TLR3: variants seen among roughly 807,000 people sequenced by gnomAD.
TLR3 encodes toll like receptor 3, also known as toll-like receptor 3.
TLR3 carries 43 observed loss-of-function variants against 66.4 expected under a neutral mutation model. The ratio of observed to expected loss-of-function variants is 0.65; its 90% CI spans 0.51 to 0.83. The LOEUF (loss-of-function observed/expected upper bound fraction) is 0.83. Ranked by LOEUF, TLR3 falls within the 40% of genes least tolerant of loss-of-function variation. The pLI, the probability that TLR3 is intolerant of heterozygous loss-of-function variation, is 0.00. For missense variants in TLR3, 982 were observed against 1,044.6 expected (o/e 0.94, Z 0.83); for synonymous variants, 397 against 397.2 (o/e 1.00, Z 0.01).
At chr4:186,084,510 AT>A (rs2099304062) in intron 4 of TLR3, 134 bp from the exon 5 acceptor site, 1 of 679,974 alleles carries the variant, frequency 1.5e-6, no homozygotes, top group Non-Finnish European at 2.4e-6. Context: ...AACTCAAAGA[AT>A]TTTTAAAATA....
In TLR3 at chr4:186,083,004, C is replaced by T. The variant is rs756002361; in HGVS notation, c.1318C>T (p.Leu440Phe). 2.5e-5 allele frequency: 41 copies of T among 1,613,990 alleles called. No homozygotes were observed. Among genetic ancestry groups the T allele is most frequent in the Non-Finnish European group, 2.3e-5 (27 of 1,180,034 alleles). ...LGHLEVLDLG[L>F]NEIGQELTGQ... Reference sequence around the variant, plus strand: ...CCACCTAGAAGTACTTGACCTGGGCCTTAATGAAATTGGGCAAGAACTCAC... The same window carrying T: ...CCACCTAGAAGTACTTGACCTGGGCTTTAATGAAATTGGGCAAGAACTCAC... Residue 440 changes from leucine to phenylalanine, a missense_variant, in exon 4 of 5, where the codon CTT (leucine) becomes TTT (phenylalanine). Leu to Phe is a conservative substitution (Grantham distance 22). Around this residue, in one of 3 missense-constraint regions of TLR3, gnomAD observed 666 missense variants for 709.0 expected, o/e 0.94. Coordinates refer to ENST00000296795, the MANE Select transcript of TLR3 (RefSeq NM_003265.3). The surrounding 1 kb of genome is among the most constrained non-coding windows in gnomAD (Gnocchi z 4.0).
chr4:186,069,429 G>A (rs2150064758), intron 1 of TLR3, among the ~76,000 whole-genome samples, 181 bp downstream of exon 1: 1 of 152,320 alleles, frequency 6.6e-6, no homozygotes, highest in East Asian at 1.9e-4. Flanking sequence ...ATGGGCATGG[G>A]AGAAGGGTAT....
chr4:186,085,574 C>T lies in TLR3; in HGVS notation c.*701C>T, dbSNP rs2099304227. The T allele has an allele frequency of 6.6e-6, 1 of 152,256 alleles. No individual in the cohort carries two copies. The allele number at this position is 152,256 out of a possible 1,614,324, so 9.4% of individuals were successfully genotyped here. A position where few individuals can be genotyped will look rare whatever the true frequency, so the allele number is the denominator to read the frequency against. The stretch of plus-strand genomic sequence containing the variant: ...AAAGTATTGTAGGCAGGCTTGCTTT[C>T]TGAAGGCTAATCACTATTTGGCTTT... On this transcript the variant is annotated 3_prime_UTR_variant, in exon 5 of 5. Coordinates refer to ENST00000296795, the MANE Select transcript of TLR3 (RefSeq NM_003265.3).
At position 186,082,356 on chromosome 4, in the gene TLR3, T is replaced by C; in HGVS notation, c.670T>C (p.Phe224Leu). ...PGCFHAIGRLFGLFLNNVQLG... is the reference protein window; with the variant it reads ...PGCFHAIGRLLGLFLNNVQLG... ...GTGTTTTCACGCAATTGGAAGATTA[T>C]TTGGCCTCTTTCTGAACAATGTCCA... Residue 224 changes from phenylalanine to leucine, a missense_variant, in exon 4 of 5, where the codon TTT becomes CTT. Physicochemically the swap from Phe to Leu is conservative, Grantham distance 22. Around this residue, in one of 3 missense-constraint regions of TLR3, gnomAD observed 313 missense variants for 319.0 expected, o/e 0.98. Coordinates refer to ENST00000296795, the MANE Select transcript of TLR3 (RefSeq NM_003265.3). The C allele has an allele frequency of 6.2e-7, 1 of 1,614,040 alleles. No homozygotes were observed. The highest frequency in any genetic ancestry group is 8.5e-7 in the Non-Finnish European group (1 of 1,180,012).
chr4:186,079,510 ACT>A (rs1183456050), intron 3 of TLR3, among the ~76,000 whole-genome samples: 4 of 152,032 alleles, frequency 2.6e-5, no homozygotes, highest in African/African-American at 7.2e-5. Context: ...CGTGATAATG[ACT>A]CTGCTTCATA....
rs1208751111 is a variant in TLR3, at chr4:186,082,953, G to A, written c.1267G>A (p.Glu423Lys). The A allele has an allele frequency of 1.2e-6, 2 of 1,614,134 alleles. No individual in the cohort carries two copies. Among genetic ancestry groups the A allele is most frequent in the South Asian group, 1.1e-5 (1 of 91,076 alleles). Residue 423 changes from glutamate (E) to lysine (K), a missense_variant, in exon 4 of 5, where the codon GAG becomes AAG. Around this residue, in one of 3 missense-constraint regions of TLR3, gnomAD observed 666 missense variants for 709.0 expected, o/e 0.94. Coordinates refer to ENST00000296795, the MANE Select transcript of TLR3 (RefSeq NM_003265.3). The part of the protein sequence containing the change: ...NLTKNKISKI[E>K]SDAFSWLGHL... Reference sequence around the variant, plus strand: ...AACCAAGAATAAAATCTCAAAAATAGAGAGTGATGCTTTCTCTTGGTTGGG... The same window carrying A: ...AACCAAGAATAAAATCTCAAAAATAAAGAGTGATGCTTTCTCTTGGTTGGG...
chr4:186,070,337 T>C (rs1470410770), intron 1 of TLR3, among the ~76,000 whole-genome samples: 1 of 152,218 alleles, frequency 6.6e-6, no homozygotes, highest in Non-Finnish European at 1.5e-5. Context: ...GTTATTCAGA[T>C]GGATGTGAAA....
intron 1 of TLR3, among the ~76,000 whole-genome samples, chr4:186,075,228 A>G (rs1394251229): frequency 2.0e-5 from 3 of 152,222 alleles, no homozygotes; most frequent in Non-Finnish European, 2.9e-5. Context: ...CATGTGAGGA[A>G]TGCATTGCAC....
Position 186,084,664 on chromosome 4 carries a change from G to A in TLR3, c.2506G>A (p.Val836Ile). 6.2e-7 allele frequency: 1 copy of A among 1,612,822 alleles called. No individual in the cohort carries two copies. The highest frequency in any genetic ancestry group is 1.3e-5 in the African/African-American group (1 of 74,978). Residue 836 changes from valine (V) to isoleucine (I), a missense_variant, in exon 5 of 5, where the codon GTT (valine) becomes ATT (isoleucine). Coordinates refer to ENST00000296795, the MANE Select transcript of TLR3 (RefSeq NM_003265.3). ...LCKRFKVHHAVQQAIEQNLDS... is the reference protein window; with the variant it reads ...LCKRFKVHHAIQQAIEQNLDS... ...ACTTAGATTCAAGGTACATCATGCA[G>A]TTCAACAAGCTATTGAACAAAATCT...
intron 1 of TLR3, among the ~76,000 whole-genome samples, chr4:186,072,218 C>T (rs1349891081): frequency 6.6e-6 from 1 of 152,236 alleles, no homozygotes; most frequent in African/African-American, 2.4e-5. Flanking sequence ...CTTTCACCCA[C>T]CACAGAAGGC....
At chr4:186,072,027 G>A (rs1251981150) in intron 1 of TLR3, among the ~76,000 whole-genome samples, 5 of 152,222 alleles carry the variant, frequency 3.3e-5, no homozygotes, top group Admixed American at 3.3e-4. Context: ...GTATGGAGTT[G>A]AGTGGCTTTC....
chr4:186,081,964 G>C, intron 3 of TLR3: 1 of 283,486 alleles, frequency 3.5e-6, no homozygotes, highest in Non-Finnish European at 6.6e-6. Context: ...CAGCGGCTCA[G>C]GCCTATAATC....
At position 186,083,418 on chromosome 4, in the gene TLR3, C is replaced by T. The variant is rs1280003005; in HGVS notation, c.1732C>T (p.Pro578Ser). 7 of 1,613,692 alleles carry T rather than the reference C, an allele frequency of 4.3e-6. No individual in the cohort carries two copies. Among genetic ancestry groups the T allele is most frequent in the African/African-American group, 2.7e-5 (2 of 74,854 alleles). The change falls in exon 4 of 5, where the codon CCA becomes TCA. Residue 578 changes from proline to serine, a missense_variant. Transcript: ENST00000296795. This position sits in a 1 kb window ranked among gnomAD's most constrained non-coding sequence, Gnocchi z 4.0. ...GGAGTCCAACGGCTTTGACGAGATC[C>T]CAGTTGAGGTCTTCAAGGATTTATT... Reference protein sequence around the residue: ...NLESNGFDEIPVEVFKDLFEL... With the variant: ...NLESNGFDEISVEVFKDLFEL...
At position 186,085,398 on chromosome 4, in the gene TLR3, A is replaced by C. The variant is rs1485304256; in HGVS notation, c.*525A>C. The C allele has an allele frequency of 6.5e-6, 1 of 153,494 alleles. No individual in the cohort carries two copies. Among genetic ancestry groups the C allele is most frequent in the Non-Finnish European group, 1.4e-5 (1 of 68,986 alleles). 9.5% of individuals were successfully genotyped at this position (153,494 alleles called of 1,614,324 possible). A position where few individuals can be genotyped will look rare whatever the true frequency, so the allele number is the denominator to read the frequency against. On this transcript the variant is annotated 3_prime_UTR_variant, in exon 5 of 5. Transcript: ENST00000296795. ...CTCAGTGTTGACTTTGTTAAATGTT[A>C]AATATTTTTTAATATACATACCCAA... is the stretch of plus-strand genomic sequence containing the variant.
Position 186,084,869 on chromosome 4 carries a change from A to G in TLR3, c.2711A>G (p.His904Arg), listed in dbSNP as rs748458395. 3.7e-6 allele frequency: 6 copies of G among 1,609,952 alleles called. No individual in the cohort carries two copies. Among genetic ancestry groups the G allele is most frequent in the Non-Finnish European group, 5.1e-6 (6 of 1,176,836 alleles). ...QVALGSKNSV[H>R] ...GCACTTGGATCCAAAAACTCTGTAC[A>G]TTAAATTTATTTAAATATTCAATTA... Residue 904 changes from histidine to arginine, a missense_variant, in exon 5 of 5, where the codon CAT becomes CGT. His to Arg is a conservative substitution (Grantham distance 29). This residue lies in a region of TLR3 where 666 missense variants were observed against 709.0 expected (regional missense o/e 0.94). Transcript: ENST00000296795.
chr4:186,080,841 C>T (rs2099303299), intron 3 of TLR3, among the ~76,000 whole-genome samples: 1 of 152,130 alleles, frequency 6.6e-6, no homozygotes, highest in South Asian at 2.1e-4. Context: ...CCACCTCCAC[C>T]TCGGCCTCCC....
At position 186,079,954 on chromosome 4, in the gene TLR3, C is replaced by T. The variant is rs531768301; in HGVS notation, c.633+923C>T. ...GTTGCAGTGGGCTAACTCGCAGGGG[C>T]CTGGTGATAGCTGGGCACAGGAAGA... On this transcript the variant is annotated intron_variant, in intron 3 of 4. Coordinates refer to ENST00000296795, the MANE Select transcript of TLR3 (RefSeq NM_003265.3). Among the ~76,000 whole-genome samples, 31 of 152,246 alleles carry T rather than the reference C, an allele frequency of 2.0e-4. No homozygotes were observed. In the East Asian group the frequency reaches 5.6e-3, roughly 28 times the overall value.
chr4:186,074,217 G>A (rs1408735904), intron 1 of TLR3, among the ~76,000 whole-genome samples: 1 of 152,164 alleles, frequency 6.6e-6, no homozygotes, highest in Admixed American at 6.5e-5. Context: ...TTAATCATGG[G>A]GATATGTTCT....
In TLR3 at chr4:186,081,544, T is replaced by A. The variant is rs562189755; in HGVS notation, c.634-776T>A. ...GAGCTCAGAGTTCCAGAAAGGAAAGTGTGCCGTCACCGCCTCATCATAAAA... is the reference window on the plus strand; with the variant it reads ...GAGCTCAGAGTTCCAGAAAGGAAAGAGTGCCGTCACCGCCTCATCATAAAA... On this transcript the variant is annotated intron_variant, in intron 3 of 4. Transcript: ENST00000296795. 3.3e-5 allele frequency: 5 copies of A among 152,256 alleles called. No homozygotes were observed. In the East Asian group the frequency reaches 9.7e-4, roughly 29 times the overall value. 9.4% of individuals were successfully genotyped at this position (152,256 alleles called of 1,614,324 possible). A position where few individuals can be genotyped will look rare whatever the true frequency, so the allele number is the denominator to read the frequency against.
Sources: allele counts gnomAD v4.1 joint callset (sites outside exome capture counted in the v4.1 genomes callset), GRCh38; gene constraint gnomAD v4.1.1; regional missense constraint gnomAD v4.1.1; non-coding constraint Gnocchi (gnomAD v3.1); transcripts MANE v1.5; gene names NCBI Gene and HGNC (gene_info 2026-07-23, HGNC 2026-07-21).